Variants in MAGI2 observed in about 807,000 individuals in gnomAD.
The protein encoded by MAGI2 is membrane-associated guanylate kinase, WW and PDZ domain-containing protein 2.
MAGI2 carries 35 observed loss-of-function variants against 133.3 expected under a neutral mutation model. That is an observed-to-expected ratio of 0.26 (90% CI 0.20 to 0.35). The LOEUF (loss-of-function observed/expected upper bound fraction) is 0.35, where lower values mean the gene tolerates loss of function less well. Among genes scored for constraint, MAGI2 ranks in the 10% least tolerant of loss-of-function variants. MAGI2 has a pLI of 1.00. For synonymous variants in MAGI2, 729 were observed against 710.6 expected (o/e 1.03, Z -0.41); for missense variants, 1,636 against 1,863.4 (o/e 0.88, Z 2.25).
intron 1 of MAGI2, among the ~76,000 whole-genome samples, chr7:79,194,465 G>A (rs1036078160): frequency 6.6e-6 from 1 of 151,844 alleles, no homozygotes; most frequent in Non-Finnish European, 1.5e-5. Flanking sequence ...TACACAGGGT[G>A]TTTTAAAAGA....
At position 78,135,203 on chromosome 7, in the gene MAGI2, A is replaced by C. The variant is rs1384089393; in HGVS notation, c.2849T>G (p.Val950Gly). ...NRPESGSTIT[V>G]PHKIGRIIDG... is the part of the protein sequence containing the mutation. ...AATGATGCGTCCGATTTTATGGGGC[A>C]CAGCTAAAAAAACCCCAACAGAAAT... The change falls in exon 17 of 22, where the codon GTG becomes GGG. Residue 950 changes from valine to glycine, a missense_variant. Coordinates refer to ENST00000354212, the MANE Select transcript of MAGI2 (RefSeq NM_012301.4). 1 of 1,613,944 alleles carries C rather than the reference A, an allele frequency of 6.2e-7. No individual in the cohort carries two copies. Among genetic ancestry groups the C allele is most frequent in the Non-Finnish European group, 8.5e-7 (1 of 1,179,834 alleles).
chr7:78,894,815 G>T (rs962639599), intron 2 of MAGI2, among the ~76,000 whole-genome samples: 1 of 152,054 alleles, frequency 6.6e-6, no homozygotes, highest in African/African-American at 2.4e-5. Context: ...TCACACATTC[G>T]ACTTTTTCTC....
intron 3 of MAGI2, among the ~76,000 whole-genome samples, chr7:78,609,341 G>A (rs149999051): frequency 1.7e-4 from 26 of 152,044 alleles, no homozygotes; most frequent in African/African-American, 6.3e-4. Context: ...ACAATAATAA[G>A]GTCATAATTA....
In MAGI2 at chr7:78,256,022, G is replaced by A. The variant is rs1792932981; in HGVS notation, c.1968C>T (p.Asn656=). 1.2e-6 allele frequency: 2 copies of A among 1,613,520 alleles called. No individual in the cohort carries two copies. The highest frequency in any genetic ancestry group is 1.7e-6 in the Non-Finnish European group (2 of 1,179,876). Reference sequence around the variant, plus strand: ...TATCCACTACTTCTGTATGGCTCAGGTTCTGTACATTCTGCTGGTTGATCT... The same window carrying A: ...TATCCACTACTTCTGTATGGCTCAGATTCTGTACATTCTGCTGGTTGATCT... The part of the protein sequence containing the change: ...IVEINQQNVQ[N]LSHTEVVDIL... The change falls in exon 10 of 22, where the codon AAC becomes AAT. Residue 656 remains asparagine, a synonymous_variant. Coordinates refer to ENST00000354212, the MANE Select transcript of MAGI2 (RefSeq NM_012301.4).
At chr7:78,762,564 A>G (rs1371552364) in intron 2 of MAGI2, among the ~76,000 whole-genome samples, 1 of 152,234 alleles carries the variant, frequency 6.6e-6, no homozygotes, top group East Asian at 1.9e-4. Context: ...TCGCTATGTG[A>G]ACAAGAAGAG....
At chr7:78,638,293 C>T (rs1332504261) in intron 2 of MAGI2, among the ~76,000 whole-genome samples, 4 of 152,300 alleles carry the variant, frequency 2.6e-5, no homozygotes, top group African/African-American at 4.8e-5. Context: ...AAGCACTCTA[C>T]ACTGAAGACA....
chr7:79,376,841 G>GAGTGT (rs1563166210), intron 1 of MAGI2, among the ~76,000 whole-genome samples: 120 of 147,574 alleles, frequency 8.1e-4, no homozygotes, highest in African/African-American at 3.0e-3. Flanking sequence ...TGTGTGTGTG[G>GAGTGT]GTGTATGGCG....
intron 1 of MAGI2, among the ~76,000 whole-genome samples, chr7:79,093,546 T>TA (rs1411187153): frequency 2.0e-5 from 3 of 152,076 alleles, no homozygotes; most frequent in African/African-American, 4.8e-5. Context: ...ACTTTATTGC[T>TA]AAAAAATGCA....
At chr7:78,641,314 T>C (rs923873298) in intron 2 of MAGI2, among the ~76,000 whole-genome samples, 8 of 152,218 alleles carry the variant, frequency 5.3e-5, no homozygotes, top group African/African-American at 1.2e-4. Context: ...ACTATTCCTT[T>C]GGATTAGAGT....
chr7:79,212,814 AAAAC>A (rs1829614571), intron 1 of MAGI2, among the ~76,000 whole-genome samples: 2 of 152,056 alleles, frequency 1.3e-5, no homozygotes, highest in Non-Finnish European at 2.9e-5. Flanking sequence ...AAAACAAAAC[AAAAC>A]ACTCAGCCTG....
intron 2 of MAGI2, among the ~76,000 whole-genome samples, chr7:78,748,805 T>C (rs1400436827): frequency 1.3e-5 from 2 of 152,320 alleles, no homozygotes; most frequent in East Asian, 1.9e-4. Flanking sequence ...TAAGACATAA[T>C]TGGATTTTCC....
intron 10 of MAGI2, among the ~76,000 whole-genome samples, chr7:78,202,281 G>A (rs1829322853): frequency 2.0e-5 from 3 of 152,030 alleles, no homozygotes; most frequent in East Asian, 3.8e-4. Flanking sequence ...TATAGAAATC[G>A]GGACACATAG....
At position 78,216,067 on chromosome 7, in the gene MAGI2, A is replaced by G. The variant is rs1430545762; in HGVS notation, c.2048-14874T>C. Among the ~76,000 whole-genome samples the G allele has an allele frequency of 6.6e-5, 10 of 152,348 alleles. No individual in the cohort carries two copies. The East Asian group carries it at 1.9e-3, about 29-fold the overall frequency. ...GAGATCAAGGTGGAGAAAATGTAAG[A>G]GTGTCAATACCTAGTCCTAGCATCA... On this transcript the variant is annotated intron_variant, in intron 10 of 21. Coordinates refer to ENST00000354212, the MANE Select transcript of MAGI2 (RefSeq NM_012301.4).
chr7:78,605,177 C>T (rs449372), intron 3 of MAGI2, among the ~76,000 whole-genome samples: 1 of 151,698 alleles, frequency 6.6e-6, no homozygotes, highest in Non-Finnish European at 1.5e-5. Flanking sequence ...AGCAGTCTGA[C>T]AAGAAATGTG....
chr7:79,402,428 A>G (rs1845532350), intron 1 of MAGI2, among the ~76,000 whole-genome samples: 2 of 152,186 alleles, frequency 1.3e-5, no homozygotes, highest in Admixed American at 1.3e-4. Flanking sequence ...TTGTAAAAAT[A>G]GCTTACATGA....
intron 1 of MAGI2, among the ~76,000 whole-genome samples, chr7:79,342,529 A>C (rs1168895051): frequency 6.6e-6 from 1 of 152,194 alleles, no homozygotes; most frequent in Admixed American, 6.6e-5. Flanking sequence ...TATGCAATTA[A>C]AAGGATATAG....
chr7:78,053,512 T>C (rs1812238994), intron 21 of MAGI2, among the ~76,000 whole-genome samples: 1 of 152,234 alleles, frequency 6.6e-6, no homozygotes, highest in South Asian at 2.1e-4. Flanking sequence ...TATGCATATA[T>C]TTGAAGGTCA....
chr7:78,849,445 A>T (rs1224109314), intron 2 of MAGI2, among the ~76,000 whole-genome samples: 1 of 152,064 alleles, frequency 6.6e-6, no homozygotes, highest in African/African-American at 2.4e-5. Context: ...AAATCCACTA[A>T]GTAATTCCAG....
intron 1 of MAGI2, among the ~76,000 whole-genome samples, chr7:79,245,504 C>T (rs568088234): frequency 6.6e-6 from 1 of 152,292 alleles, no homozygotes; most frequent in African/African-American, 2.4e-5. Flanking sequence ...GTACTCTCTA[C>T]AAGTTCGGGG....
Sources: allele counts gnomAD v4.1 joint callset (sites outside exome capture counted in the v4.1 genomes callset), GRCh38; gene constraint gnomAD v4.1.1; transcripts MANE v1.5; gene names NCBI Gene and HGNC (gene_info 2026-07-23, HGNC 2026-07-21).